Variants in RGS6 observed in about 807,000 individuals in gnomAD.
RGS6 encodes the protein regulator of G protein signaling 6, also known as regulator of G-protein signaling 6.
RGS6 carries 30 observed loss-of-function variants against 78.5 expected under a neutral mutation model. That is an observed-to-expected ratio of 0.38 (90% CI 0.29 to 0.52). RGS6 has a LOEUF of 0.52. Among genes scored for constraint, RGS6 ranks in the 20% least tolerant of loss-of-function variants. The pLI, the probability that RGS6 is intolerant of heterozygous loss-of-function variation, is 0.85. For synonymous variants in RGS6, 206 were observed against 206.0 expected, an observed-to-expected ratio of 1.00 and a Z score of 0.00; for missense variants, 495 against 609.7, an observed-to-expected ratio of 0.81 and a Z score of 1.98.
intron 2 of RGS6, among the ~76,000 whole-genome samples, chr14:71,998,425 T>C (rs2082783328): frequency 6.6e-6 from 1 of 152,198 alleles, no homozygotes; most frequent in Non-Finnish European, 1.5e-5. Flanking sequence ...CAGGGAAAGA[T>C]TCCCAGAACA....
chr14:72,281,076 G>C (rs1029342803), intron 2 of RGS6, among the ~76,000 whole-genome samples: 1 of 150,952 alleles, frequency 6.6e-6, no homozygotes, highest in African/African-American at 2.4e-5. Flanking sequence ...TACAGAGATA[G>C]TTATGCTGTA....
At chr14:72,577,510 A>C in the RGS6 span, among the ~76,000 whole-genome samples, 2 of 152,216 alleles carry the variant, frequency 1.3e-5, no homozygotes, top group Non-Finnish European at 2.9e-5. Context: ...TCTTGAGTCC[A>C]GTTCCAGTTC....
intron 2 of RGS6, among the ~76,000 whole-genome samples, chr14:72,086,656 G>A (rs1272929543): frequency 6.6e-6 from 1 of 152,108 alleles, no homozygotes; most frequent in Non-Finnish European, 1.5e-5. Flanking sequence ...TCCATCTCCT[G>A]GTTGCAACTG....
intron 3 of RGS6, among the ~76,000 whole-genome samples, chr14:72,382,815 A>G (rs1258916832): frequency 6.6e-6 from 1 of 152,174 alleles, no homozygotes; most frequent in Admixed American, 6.5e-5. Context: ...GAATAAGCAC[A>G]GGATATCTCA....
chr14:72,624,643 A>G, the RGS6 span, among the ~76,000 whole-genome samples: 1 of 152,092 alleles, frequency 6.6e-6, no homozygotes, highest in South Asian at 2.1e-4. Context: ...CCGGCCCCCA[A>G]CCTATGTCTC....
At chr14:72,545,693 G>A (rs115346566) in intron 17 of RGS6, among the ~76,000 whole-genome samples, 132 of 152,242 alleles carry the variant, frequency 8.7e-4, no homozygotes, top group African/African-American at 3.0e-3. Flanking sequence ...ACTTGAGTTG[G>A]GTGTATTTAC....
chr14:71,916,293 C>T, the RGS6 span, among the ~76,000 whole-genome samples: 1 of 152,170 alleles, frequency 6.6e-6, no homozygotes, highest in Non-Finnish European at 1.5e-5. Context: ...GCTGGACCTT[C>T]CAGCTACTCG....
chr14:72,418,539 AAGAT>A (rs1400794074), intron 3 of RGS6, among the ~76,000 whole-genome samples: 1 of 152,212 alleles, frequency 6.6e-6, no homozygotes, highest in Admixed American at 6.5e-5. Flanking sequence ...TAGGATCAGA[AAGAT>A]AGAAAAAGGA....
chr14:71,984,350 G>C (rs1284301660), intron 2 of RGS6, among the ~76,000 whole-genome samples: 10 of 143,276 alleles, frequency 7.0e-5, no homozygotes, highest in South Asian at 2.3e-4. Context: ...AACCATAAGA[G>C]AGTTAGTGTG....
chr14:72,107,740 A>G (rs1439776038), intron 2 of RGS6, among the ~76,000 whole-genome samples: 1 of 152,098 alleles, frequency 6.6e-6, no homozygotes, highest in East Asian at 1.9e-4. Context: ...CGTCTTCTGT[A>G]TGGCATCTAT....
At chr14:71,875,066 T>C in the RGS6 span, among the ~76,000 whole-genome samples, 1 of 152,206 alleles carries the variant, frequency 6.6e-6, no homozygotes. Context: ...TAAGGATTTT[T>C]GCATCGATGT....
chr14:72,607,342 C>T, the RGS6 span, among the ~76,000 whole-genome samples: 3 of 152,220 alleles, frequency 2.0e-5, no homozygotes, highest in Admixed American at 2.0e-4. Context: ...CGGTGTCCAG[C>T]AAGGGCCTGC....
intron 16 of RGS6, 138 bp from the exon 17 acceptor site, chr14:72,539,902 CT>C: frequency 2.8e-6 from 2 of 703,408 alleles, no homozygotes; most frequent in Non-Finnish European, 4.6e-6. Flanking sequence ...GGCTGCTTCT[CT>C]TTTCCCATTT....
At chr14:72,265,947 G>T (rs540948290) in intron 2 of RGS6, among the ~76,000 whole-genome samples, 4 of 142,338 alleles carry the variant, frequency 2.8e-5, no homozygotes, top group East Asian at 2.2e-4. Context: ...TTGGGGGGGG[G>T]GGCGGGAGGC....
chr14:72,587,170 T>A, the RGS6 span, among the ~76,000 whole-genome samples: 1 of 152,140 alleles, frequency 6.6e-6, no homozygotes, highest in African/African-American at 2.4e-5. Flanking sequence ...CGATGGCTCA[T>A]CTAACTCATG....
At chr14:72,254,062 G>A (rs1422595382) in intron 2 of RGS6, among the ~76,000 whole-genome samples, 3 of 152,146 alleles carry the variant, frequency 2.0e-5, no homozygotes, top group Non-Finnish European at 4.4e-5. Context: ...TGCAAGTGTG[G>A]GGGAGGATTG....
At chr14:72,192,454 G>A (rs1471668973) in intron 2 of RGS6, among the ~76,000 whole-genome samples, 1 of 152,176 alleles carries the variant, frequency 6.6e-6, no homozygotes, top group Non-Finnish European at 1.5e-5. Flanking sequence ...TCAGATATGG[G>A]TTTTACAACT....
intron 16 of RGS6, 136 bp from the exon 17 acceptor site, chr14:72,539,905 T>C (rs1465679570): frequency 1.4e-6 from 1 of 706,506 alleles, no homozygotes; most frequent in East Asian, 2.8e-5. Flanking sequence ...TGCTTCTCTT[T>C]TCCCATTTTT....
intron 2 of RGS6, among the ~76,000 whole-genome samples, chr14:72,210,917 C>T (rs752353880): frequency 1.3e-5 from 2 of 152,070 alleles, no homozygotes; most frequent in Admixed American, 1.3e-4. Context: ...CTGTATGTAT[C>T]CATACTACCA....
Sources: allele counts gnomAD v4.1 joint callset (sites outside exome capture counted in the v4.1 genomes callset), GRCh38; gene constraint gnomAD v4.1.1; transcripts MANE v1.5; gene names NCBI Gene and HGNC (gene_info 2026-07-23, HGNC 2026-07-21).